ESF1: variants seen among roughly 807,000 people sequenced by gnomAD.
ESF1 encodes ESF1 homolog.
In ESF1, 58 loss-of-function variants were observed where a neutral mutation model predicts 92.0. The observed-to-expected ratio is 0.63, with a 90% confidence interval of 0.51 to 0.78. The LOEUF (loss-of-function observed/expected upper bound fraction) is 0.78, where lower values mean the gene tolerates loss of function less well. ESF1 is among the 30% of genes least tolerant of loss of function. The probability of loss-of-function intolerance (pLI) is 0.00; values close to 1 mark genes in which losing one functional copy is unlikely to be tolerated. For synonymous variants in ESF1, 321 were observed against 313.7 expected, an observed-to-expected ratio of 1.02 and a Z score of -0.24; for missense variants, 922 against 989.1, an observed-to-expected ratio of 0.93 and a Z score of 0.91.
intron 9 of ESF1, among the ~76,000 whole-genome samples, chr20:13,740,831 T>C (rs2050008154): frequency 6.6e-6 from 1 of 152,156 alleles, no homozygotes; most frequent in South Asian, 2.1e-4. Flanking sequence ...ATTAAAATAC[T>C]TGTTCTTTAG....
chr20:13,727,678 CTCCACATAATGGAGGAAAGAA>C (rs529062689), intron 11 of ESF1, among the ~76,000 whole-genome samples: 32 of 152,222 alleles, frequency 2.1e-4, no homozygotes, highest in Admixed American at 2.0e-3. Context: ...TACGCATTTC[CTCCACATAATGGAGGAAAGAA>C]AGAATGAGTA....
intron 2 of ESF1, among the ~76,000 whole-genome samples, chr20:13,779,522 GTTA>G: frequency 6.6e-6 from 1 of 152,022 alleles, no homozygotes; most frequent in Admixed American, 6.6e-5. Context: ...TTAATGATTT[GTTA>G]CCATTTTAAT....
At chr20:13,747,702 T>A (rs1368413019) in intron 9 of ESF1, among the ~76,000 whole-genome samples, 1 of 42,478 alleles carries the variant, frequency 2.4e-5, no homozygotes, top group African/African-American at 1.0e-4. Context: ...TGGAACACTT[T>A]CTGAGAAATG....
chr20:13,724,731 CTG>C (rs1744636474), intron 11 of ESF1, among the ~76,000 whole-genome samples: 2 of 152,094 alleles, frequency 1.3e-5, no homozygotes, highest in South Asian at 4.1e-4. Flanking sequence ...TATGGGAAAA[CTG>C]TATCATTCTC....
At chr20:13,729,710 T>C (rs1008682678) in intron 10 of ESF1, among the ~76,000 whole-genome samples, 1 of 152,236 alleles carries the variant, frequency 6.6e-6, no homozygotes, top group Admixed American at 6.5e-5. Flanking sequence ...TAATGAACCC[T>C]CTGTTCTCAT....
At chr20:13,742,193 C>G (rs988921571) in intron 9 of ESF1, among the ~76,000 whole-genome samples, 7 of 152,036 alleles carry the variant, frequency 4.6e-5, no homozygotes, top group Admixed American at 6.6e-5. Flanking sequence ...GTGACGAAAC[C>G]CTGTCTCTAC....
At chr20:13,729,190 G>A (rs1043524823) in intron 10 of ESF1, among the ~76,000 whole-genome samples, 2 of 152,152 alleles carry the variant, frequency 1.3e-5, no homozygotes, top group Admixed American at 1.3e-4. Flanking sequence ...CCCAGGAGAC[G>A]GAGGTTGCAG....
intron 8 of ESF1, 41 bp from the exon 9 acceptor site, chr20:13,759,894 A>G: frequency 6.5e-7 from 1 of 1,549,442 alleles, no homozygotes; most frequent in Non-Finnish European, 8.6e-7. Context: ...GAAACAATTC[A>G]TTTCTAACTC....
intron 9 of ESF1, among the ~76,000 whole-genome samples, chr20:13,749,862 C>T (rs1027404158): frequency 3.3e-5 from 5 of 152,248 alleles, no homozygotes; most frequent in South Asian, 2.1e-4. Context: ...CCACCATGCC[C>T]GGCCGGGTAT....
At chr20:13,783,530 A>T (rs1345099721) in intron 1 of ESF1, among the ~76,000 whole-genome samples, 1 of 152,200 alleles carries the variant, frequency 6.6e-6, no homozygotes, top group Non-Finnish European at 1.5e-5. Flanking sequence ...ATTGAAGGCA[A>T]ATGTAGTTAA....
intron 11 of ESF1, among the ~76,000 whole-genome samples, chr20:13,723,154 T>A (rs2049879260): frequency 6.6e-6 from 1 of 152,188 alleles, no homozygotes; most frequent in South Asian, 2.1e-4. Context: ...TCCAGAGGGT[T>A]TAGTTGAGCA....
chr20:13,766,660 T>C lies in ESF1; in HGVS notation c.1666+117A>G, dbSNP rs1979439249. Reference sequence around the variant, plus strand: ...TTTTTTAAAAAAATCAATCACTATCTACAGGTATATATAATACTGTGCATG... The same window carrying C: ...TTTTTTAAAAAAATCAATCACTATCCACAGGTATATATAATACTGTGCATG... On this transcript the variant is annotated intron_variant, in intron 8 of 13. Transcript: ENST00000617257. 15 of 915,598 alleles carry C rather than the reference T, an allele frequency of 1.6e-5. No homozygotes were observed. In the South Asian group the frequency reaches 3.8e-4, roughly 23 times the overall value. The allele number at this position is 915,598 out of a possible 1,614,324, so 56.7% of individuals were successfully genotyped here.
intron 9 of ESF1, among the ~76,000 whole-genome samples, chr20:13,747,261 TA>T (rs34422643): frequency 0.67 from 97,536 of 145,340 alleles, 32,518 homozygotes; most frequent in East Asian, 0.89. Context: ...AGTTGTATAT[TA>T]AAAAAAAAAA....
intron 9 of ESF1, among the ~76,000 whole-genome samples, chr20:13,735,372 T>TA (rs2147735179): frequency 6.6e-6 from 1 of 152,288 alleles, no homozygotes; most frequent in East Asian, 1.9e-4. Context: ...ATCTCTAACT[T>TA]ACAGGATGCC....
intron 9 of ESF1, among the ~76,000 whole-genome samples, chr20:13,749,232 ATTTTT>A (rs71188184): frequency 2.2e-5 from 2 of 89,662 alleles, no homozygotes; most frequent in Non-Finnish European, 4.1e-5. Context: ...TGCCCGGCTA[ATTTTT>A]TTTTTTTTTT....
At chr20:13,783,908 G>T (rs1229820042) in intron 1 of ESF1, among the ~76,000 whole-genome samples, 1 of 152,168 alleles carries the variant, frequency 6.6e-6, no homozygotes, top group Non-Finnish European at 1.5e-5. Context: ...CTTATCTCCG[G>T]CTACTGCCAA....
chr20:13,758,751 T>C (rs1383109403), intron 9 of ESF1, among the ~76,000 whole-genome samples: 1 of 152,276 alleles, frequency 6.6e-6, no homozygotes, highest in African/African-American at 2.4e-5. Flanking sequence ...GTTATACACA[T>C]ATATAATATA....
At chr20:13,768,181 C>T (rs3789339) in intron 7 of ESF1, among the ~76,000 whole-genome samples, 93,238 of 152,102 alleles carry the variant, frequency 0.61, 28,735 homozygotes, top group East Asian at 0.71. Flanking sequence ...GTGCCCACCA[C>T]GGCATAGCAG....
intron 8 of ESF1, among the ~76,000 whole-genome samples, chr20:13,761,672 T>C (rs1979208259): frequency 1.3e-5 from 2 of 152,146 alleles, no homozygotes. Context: ...TAAAAATGAA[T>C]TAGGAGTTAC....
Sources: allele counts gnomAD v4.1 joint callset (sites outside exome capture counted in the v4.1 genomes callset), GRCh38; gene constraint gnomAD v4.1.1; transcripts MANE v1.5; gene names NCBI Gene and HGNC (gene_info 2026-07-23, HGNC 2026-07-21).